The following ULK4 variants were observed in gnomAD, a reference collection of about 807,000 sequenced individuals.
ULK4 encodes the protein unc-51 like kinase 4, also known as inactive serine/threonine-protein kinase ULK4.
A neutral mutation model predicts 160.6 loss-of-function variants in ULK4; 133 were observed. That is an observed-to-expected ratio of 0.83 (90% confidence interval 0.72 to 0.96). The LOEUF (loss-of-function observed/expected upper bound fraction) is 0.96. Among genes scored for constraint, ULK4 ranks in the 40% least tolerant of loss-of-function variants. The pLI is 0.00. For missense variants in ULK4, 1,580 were observed against 1,499.5 expected (o/e 1.05, Z -0.89); for synonymous variants, 534 against 539.8 (o/e 0.99, Z 0.15).
intron 21 of ULK4, among the ~76,000 whole-genome samples, chr3:41,756,324 AT>A (rs1320923855): frequency 6.6e-6 from 1 of 152,152 alleles, no homozygotes; most frequent in Non-Finnish European, 1.5e-5. Context: ...TATTCTACAA[AT>A]TTTAGCCACA....
intron 20 of ULK4, among the ~76,000 whole-genome samples, chr3:41,796,136 G>C (rs938208587): frequency 6.6e-6 from 1 of 152,156 alleles, no homozygotes; most frequent in Non-Finnish European, 1.5e-5. Flanking sequence ...GTAGCAGCAA[G>C]GGAGGTTGGG....
At chr3:41,860,549 T>C (rs1287169798) in intron 17 of ULK4, among the ~76,000 whole-genome samples, 1 of 152,198 alleles carries the variant, frequency 6.6e-6, no homozygotes, top group Non-Finnish European at 1.5e-5. Flanking sequence ...ACTCCCGCTC[T>C]TTTTTGGTTT....
At chr3:41,683,038 G>A (rs1020854269) in intron 27 of ULK4, among the ~76,000 whole-genome samples, 4 of 152,108 alleles carry the variant, frequency 2.6e-5, no homozygotes, top group African/African-American at 9.7e-5. Flanking sequence ...GACAGAGTAG[G>A]AATGAGGCTT....
intron 21 of ULK4, among the ~76,000 whole-genome samples, chr3:41,754,969 T>C (rs2038749514): frequency 6.6e-6 from 1 of 152,118 alleles, no homozygotes; most frequent in Non-Finnish European, 1.5e-5. Flanking sequence ...ACTCAATACA[T>C]GACACAAAGA....
intron 5 of ULK4, among the ~76,000 whole-genome samples, chr3:41,929,736 C>A (rs1005356855): frequency 2.0e-5 from 3 of 152,072 alleles, no homozygotes; most frequent in African/African-American, 4.8e-5. Context: ...CTCCCATTCA[C>A]AACTGCTACA....
chr3:41,749,290 C>A (rs2038532907), intron 22 of ULK4, among the ~76,000 whole-genome samples: 1 of 152,154 alleles, frequency 6.6e-6, no homozygotes, highest in Admixed American at 6.5e-5. Flanking sequence ...CGAGACCAGT[C>A]TGGTCAACGT....
At chr3:41,959,535 ATAAT>A (rs139612344) in intron 1 of ULK4, among the ~76,000 whole-genome samples, 18,605 of 151,828 alleles carry the variant, frequency 0.12, 1,324 homozygotes, top group Middle Eastern at 0.26. Flanking sequence ...AAAAATAATA[ATAAT>A]TAATTAATTA....
chr3:41,922,938 G>A (rs1044343361), intron 5 of ULK4, among the ~76,000 whole-genome samples: 2 of 152,050 alleles, frequency 1.3e-5, no homozygotes, highest in African/African-American at 2.4e-5. Flanking sequence ...TTGGGAGGCC[G>A]GGGTGGGCAA....
At chr3:41,562,830 TCTTTCAATTGGGGCATTTA>T (rs2087641682) in intron 32 of ULK4, among the ~76,000 whole-genome samples, 1 of 152,226 alleles carries the variant, frequency 6.6e-6, no homozygotes, top group Non-Finnish European at 1.5e-5. Context: ...CCAGTCTGTG[TCTTTCAATTGGGGCATTTA>T]GCCCATTTAC....
chr3:41,277,435 G>A (rs1238907857), intron 35 of ULK4, among the ~76,000 whole-genome samples: 1 of 152,148 alleles, frequency 6.6e-6, no homozygotes, highest in East Asian at 1.9e-4. Flanking sequence ...GGGATGGAGG[G>A]ATGGCTTAAC....
intron 21 of ULK4, among the ~76,000 whole-genome samples, chr3:41,775,379 T>G (rs962484024): frequency 2.0e-5 from 3 of 149,182 alleles, no homozygotes; most frequent in African/African-American, 7.7e-5. Flanking sequence ...AAGAAAATAA[T>G]ATATATATGG....
intron 21 of ULK4, among the ~76,000 whole-genome samples, chr3:41,774,439 A>C (rs1041242705): frequency 2.0e-5 from 3 of 150,754 alleles, no homozygotes; most frequent in African/African-American, 7.5e-5. Context: ...TCTCAAAAGA[A>C]GACATTTATG....
At chr3:41,792,744 A>C (rs2040187105) in intron 20 of ULK4, among the ~76,000 whole-genome samples, 1 of 152,244 alleles carries the variant, frequency 6.6e-6, no homozygotes, top group African/African-American at 2.4e-5. Flanking sequence ...TATCAAACTC[A>C]CTTGAAAGCT....
intron 31 of ULK4, among the ~76,000 whole-genome samples, chr3:41,595,377 C>T (rs1261626635): frequency 6.6e-6 from 1 of 152,230 alleles, no homozygotes; most frequent in East Asian, 1.9e-4. Flanking sequence ...AGCTGGCTGG[C>T]CAGCCTCTCG....
chr3:41,254,425 G>A (rs2078794435), intron 35 of ULK4, among the ~76,000 whole-genome samples: 1 of 152,142 alleles, frequency 6.6e-6, no homozygotes, highest in Admixed American at 6.5e-5. Context: ...AGAAAAATTA[G>A]AAAATAATCT....
chr3:41,918,749 A>C (rs576142324), intron 6 of ULK4, among the ~76,000 whole-genome samples: 48 of 151,946 alleles, frequency 3.2e-4, no homozygotes, highest in Non-Finnish European at 4.9e-4. Flanking sequence ...CCACAGGCGC[A>C]CGCTGCCACG....
intron 35 of ULK4, among the ~76,000 whole-genome samples, chr3:41,266,874 T>A (rs894815669): frequency 6.6e-6 from 1 of 151,972 alleles, no homozygotes; most frequent in Non-Finnish European, 1.5e-5. Context: ...TTAAAACCAC[T>A]TTGCTAGGAG....
At chr3:41,896,500 CA>C (rs1240585509) in intron 15 of ULK4, among the ~76,000 whole-genome samples, 6 of 152,100 alleles carry the variant, frequency 3.9e-5, no homozygotes, top group Non-Finnish European at 7.4e-5. Context: ...GTGATCCACC[CA>C]CCTTGGCCTC....
At chr3:41,708,101 T>A (rs1387798381) in intron 25 of ULK4, among the ~76,000 whole-genome samples, 1 of 151,662 alleles carries the variant, frequency 6.6e-6, no homozygotes, top group South Asian at 2.1e-4. Context: ...AAAAATACTA[T>A]GAAAATTCTT....
Sources: allele counts gnomAD v4.1 joint callset (sites outside exome capture counted in the v4.1 genomes callset), GRCh38; gene constraint gnomAD v4.1.1; transcripts MANE v1.5; gene names NCBI Gene and HGNC (gene_info 2026-07-23, HGNC 2026-07-21).